The following CCSER1 variants were observed in gnomAD, a reference collection of about 807,000 sequenced individuals.
CCSER1 encodes coiled-coil serine rich protein 1.
CCSER1 carries 41 observed loss-of-function variants against 82.0 expected under a neutral mutation model. The observed-to-expected ratio is 0.50, with a 90% confidence interval of 0.39 to 0.65. The LOEUF (loss-of-function observed/expected upper bound fraction) is 0.65, where lower values mean the gene tolerates loss of function less well. Ranked by LOEUF, CCSER1 falls within the 30% of genes least tolerant of loss-of-function variation. The probability of loss-of-function intolerance (pLI) is 0.00; values close to 1 mark genes in which losing one functional copy is unlikely to be tolerated. For missense variants in CCSER1, 1,119 were observed against 1,064.2 expected (o/e 1.05, Z -0.72); for synonymous variants, 414 against 383.9 (o/e 1.08, Z -0.92).
chr4:91,557,739 T>C (rs1386654429), intron 10 of CCSER1, among the ~76,000 whole-genome samples: 2 of 151,338 alleles, frequency 1.3e-5, no homozygotes, highest in African/African-American at 2.4e-5. Flanking sequence ...GTGAAAGTAA[T>C]GTGTTCAAGG....
At chr4:90,568,065 TTCAATCTTA>T (rs1454241630) in intron 5 of CCSER1, among the ~76,000 whole-genome samples, 1 of 152,260 alleles carries the variant, frequency 6.6e-6, no homozygotes, top group African/African-American at 2.4e-5. Flanking sequence ...TTGATACAAT[TTCAATCTTA>T]TTAAAGTTGT....
intron 10 of CCSER1, among the ~76,000 whole-genome samples, chr4:91,268,312 G>A (rs1014945720): frequency 2.0e-5 from 3 of 152,128 alleles, no homozygotes; most frequent in Non-Finnish European, 2.9e-5. Context: ...AGCATTATTG[G>A]GGGGATGTGA....
At chr4:91,341,874 A>G (rs1003684678) in intron 10 of CCSER1, among the ~76,000 whole-genome samples, 2 of 152,168 alleles carry the variant, frequency 1.3e-5, no homozygotes, top group Admixed American at 1.3e-4. Context: ...CATTTCTTTT[A>G]CTTGGAAAAT....
chr4:90,529,884 A>G (rs1342244810), intron 5 of CCSER1, among the ~76,000 whole-genome samples: 1 of 151,646 alleles, frequency 6.6e-6, no homozygotes. Context: ...TTATCCCTCA[A>G]ATCACTTAGG....
At chr4:90,497,144 AAAC>A (rs1769163412) in intron 5 of CCSER1, among the ~76,000 whole-genome samples, 1 of 152,124 alleles carries the variant, frequency 6.6e-6, no homozygotes, top group South Asian at 2.1e-4. Context: ...ATATTTTATT[AAAC>A]AACAAACTTT....
intron 10 of CCSER1, among the ~76,000 whole-genome samples, chr4:91,182,050 G>C (rs1389478231): frequency 6.6e-6 from 1 of 152,160 alleles, no homozygotes. Flanking sequence ...TCCCACTTTT[G>C]TTAGGTTGTC....
chr4:90,236,812 G>A (rs564019022), intron 1 of CCSER1, among the ~76,000 whole-genome samples: 6 of 151,996 alleles, frequency 3.9e-5, no homozygotes, highest in East Asian at 1.9e-4. Flanking sequence ...TATATTTAAA[G>A]TTATCATAAC....
chr4:90,811,918 C>T (rs746411149), intron 7 of CCSER1, among the ~76,000 whole-genome samples: 9,515 of 72,428 alleles, frequency 0.13, 399 homozygotes, highest in East Asian at 0.28. Context: ...TATACACACA[C>T]ACACACACAC....
At chr4:90,241,940 A>G (rs1463758228) in intron 1 of CCSER1, among the ~76,000 whole-genome samples, 2 of 152,214 alleles carry the variant, frequency 1.3e-5, no homozygotes, top group Admixed American at 6.5e-5. Flanking sequence ...TCTATCATCA[A>G]ATCTAGTTAG....
chr4:91,295,375 A>G (rs1197525507), intron 10 of CCSER1, among the ~76,000 whole-genome samples: 1 of 151,970 alleles, frequency 6.6e-6, no homozygotes, highest in African/African-American at 2.4e-5. Context: ...AAAGAAATAC[A>G]GTATTGTTTG....
chr4:90,852,354 G>A (rs1336882308), intron 8 of CCSER1, among the ~76,000 whole-genome samples: 1 of 152,178 alleles, frequency 6.6e-6, no homozygotes, highest in African/African-American at 2.4e-5. Context: ...CAGTGTTGAG[G>A]AATGGTGTTT....
chr4:91,043,437 C>G (rs1421984974), intron 9 of CCSER1, among the ~76,000 whole-genome samples: 1 of 151,986 alleles, frequency 6.6e-6, no homozygotes, highest in African/African-American at 2.4e-5. Context: ...TGACAGTGTT[C>G]AGATTGATAG....
chr4:91,543,141 T>C (rs1350238471), intron 10 of CCSER1, among the ~76,000 whole-genome samples: 2 of 152,200 alleles, frequency 1.3e-5, no homozygotes, highest in Non-Finnish European at 2.9e-5. Flanking sequence ...TTTTTTTGTT[T>C]TCCATTTGCT....
rs1712037587 is a variant in CCSER1 at position 91,604,762 on chromosome 4, T to C, written c.*5705T>C. 6.6e-6 allele frequency: 1 copy of C among 152,020 alleles called. No homozygotes were observed. Among genetic ancestry groups the C allele is most frequent in the Non-Finnish European group, 1.5e-5 (1 of 67,910 alleles). 9.4% of individuals were successfully genotyped at this position (152,020 alleles called of 1,614,324 possible). ...AATTACAGCTGATTTAGAATTTGCT[T>C]AATTATTCAGAAGGAATTGAAGTGA... On this transcript the variant is annotated 3_prime_UTR_variant, in exon 11 of 11. Transcript: ENST00000509176.
chr4:90,188,451 C>T (rs908911137), intron 1 of CCSER1, among the ~76,000 whole-genome samples: 1 of 151,582 alleles, frequency 6.6e-6, no homozygotes, highest in Non-Finnish European at 1.5e-5. Context: ...TTTGCAGAGC[C>T]ACTACTTAGA....
chr4:90,366,618 A>G (rs572509874), intron 3 of CCSER1, among the ~76,000 whole-genome samples: 1 of 151,934 alleles, frequency 6.6e-6, no homozygotes, highest in South Asian at 2.1e-4. Flanking sequence ...GAGATTTTGT[A>G]CCCTTTGACC....
intron 9 of CCSER1, among the ~76,000 whole-genome samples, chr4:91,085,001 G>A (rs753319623): frequency 1.5e-4 from 23 of 151,900 alleles, no homozygotes; most frequent in Non-Finnish European, 3.1e-4. Context: ...CATTATTATT[G>A]TTGCTACTTA....
intron 10 of CCSER1, among the ~76,000 whole-genome samples, chr4:91,378,984 C>T (rs1560624915): frequency 1.3e-5 from 2 of 152,066 alleles, no homozygotes; most frequent in Non-Finnish European, 2.9e-5. Flanking sequence ...TTGTCAAAGG[C>T]CTTTTCTGCA....
rs115948240 is a variant in CCSER1 at position 90,800,814 on chromosome 4, A to G, written c.2011-14948A>G. On this transcript the variant is annotated intron_variant, in intron 7 of 10. Transcript: ENST00000509176. Reference sequence around the variant, plus strand: ...GGAAATTTGGTTCTCATTCTTCTACATGCAAAATACTGTCATTTTAAGATA... The same window carrying G: ...GGAAATTTGGTTCTCATTCTTCTACGTGCAAAATACTGTCATTTTAAGATA... 5.9e-3 allele frequency among the ~76,000 whole-genome samples: 893 copies of G among 152,338 alleles called. 7 individuals are homozygous for G. The highest frequency in any genetic ancestry group is 0.021 in the African/African-American group (858 of 41,570).
Sources: allele counts gnomAD v4.1 joint callset (sites outside exome capture counted in the v4.1 genomes callset), GRCh38; gene constraint gnomAD v4.1.1; transcripts MANE v1.5; gene names NCBI Gene and HGNC (gene_info 2026-07-23, HGNC 2026-07-21).